PTPN12: variants seen among roughly 807,000 people sequenced by gnomAD.
PTPN12 encodes the protein protein tyrosine phosphatase non-receptor type 12.
PTPN12 carries 29 observed loss-of-function variants against 97.6 expected under a neutral mutation model. The observed-to-expected ratio is 0.30, with a 90% CI of 0.22 to 0.41. The LOEUF (loss-of-function observed/expected upper bound fraction) is 0.41. Ranked by LOEUF, PTPN12 falls within the 10% of genes least tolerant of loss-of-function variation. The probability of loss-of-function intolerance (pLI) is 1.00; values close to 1 mark genes in which losing one functional copy is unlikely to be tolerated. For missense variants in PTPN12, 819 were observed against 926.0 expected (o/e 0.88, Z 1.50); for synonymous variants, 327 against 300.4 (o/e 1.09, Z -0.91).
intron 1 of PTPN12, among the ~76,000 whole-genome samples, chr7:77,567,948 T>G (rs1262478242): frequency 1.3e-5 from 2 of 152,308 alleles, no homozygotes; most frequent in African/African-American, 4.8e-5. Context: ...AGATCCAGAA[T>G]TTTAATTTAT....
At chr7:77,571,278 A>G (rs1340170335) in intron 2 of PTPN12, 92 bp downstream of exon 2, 3 of 717,366 alleles carry the variant, frequency 4.2e-6, no homozygotes, top group Non-Finnish European at 6.9e-6. Context: ...TTTCACTGTT[A>G]AGGAAGTAGT....
intron 1 of PTPN12, among the ~76,000 whole-genome samples, chr7:77,543,071 A>C (rs1407681827): frequency 6.6e-6 from 1 of 152,200 alleles, no homozygotes; most frequent in Non-Finnish European, 1.5e-5. Flanking sequence ...GAGATGTCAG[A>C]AAAGCCAGGG....
At chr7:77,605,290 A>G (rs972299330) in intron 8 of PTPN12, among the ~76,000 whole-genome samples, 1 of 152,098 alleles carries the variant, frequency 6.6e-6, no homozygotes, top group African/African-American at 2.4e-5. Context: ...GGTTTTTGCC[A>G]AAGATTATTC....
chr7:77,581,459 A>G lies in PTPN12; in HGVS notation c.241A>G (p.Thr81Ala), dbSNP rs762134158. 6.2e-7 allele frequency: 1 copy of G among 1,608,010 alleles called. No homozygotes were observed. The highest frequency in any genetic ancestry group is 8.5e-7 in the Non-Finnish European group (1 of 1,176,512). The change falls in exon 3 of 18, where the codon ACT becomes GCT. Residue 81 changes from threonine (T) to alanine (A), a missense_variant. This residue lies in a region of PTPN12 where 66 missense variants were observed against 133.6 expected (regional missense o/e 0.49). Transcript: ENST00000248594. The stretch of plus-strand genomic sequence containing the variant: ...CAGCCGAGTTAAATTGACATTAAAG[A>G]CTCCTTCACAAGATTCAGACTATAT... ...DHSRVKLTLKTPSQDSDYINA... is the reference protein window; with the variant it reads ...DHSRVKLTLKAPSQDSDYINA...
chr7:77,589,982 G>A (rs1195177469), intron 5 of PTPN12, among the ~76,000 whole-genome samples: 1 of 152,206 alleles, frequency 6.6e-6, no homozygotes, highest in Non-Finnish European at 1.5e-5. Context: ...TTATGAGCAA[G>A]TTAGGAACTA....
At chr7:77,586,678 A>G (rs1408648480) in intron 5 of PTPN12, among the ~76,000 whole-genome samples, 1 of 152,208 alleles carries the variant, frequency 6.6e-6, no homozygotes, top group Non-Finnish European at 1.5e-5. Context: ...TTTGATAGCA[A>G]CAGCAGTTGC....
In PTPN12 at chr7:77,633,062, G is replaced by A. The variant is rs909486319; in HGVS notation, c.2074+637G>A. On this transcript the variant is annotated intron_variant, in intron 14 of 17. Coordinates refer to ENST00000248594, the MANE Select transcript of PTPN12 (RefSeq NM_002835.4). ...GAGATGCACTGATCACCTGAGGTCA[G>A]GAGTTCAAGACCAGCGTGACCAACA... is the stretch of plus-strand genomic sequence containing the variant. 2.0e-5 allele frequency among the ~76,000 whole-genome samples: 3 copies of A among 152,162 alleles called. No individual in the cohort carries two copies. The East Asian group carries it at 5.8e-4, about 29-fold the overall frequency.
chr7:77,635,434 G>A (rs556719279), intron 14 of PTPN12, among the ~76,000 whole-genome samples: 11 of 152,270 alleles, frequency 7.2e-5, no homozygotes, highest in Admixed American at 6.5e-4. Context: ...TAAAAAGAAT[G>A]TTGAAAGCAA....
At chr7:77,597,456 A>T (rs570293122) in intron 6 of PTPN12, among the ~76,000 whole-genome samples, 2 of 152,208 alleles carry the variant, frequency 1.3e-5, no homozygotes, top group African/African-American at 4.8e-5. Context: ...TACAGTATGT[A>T]GCCTTTTCAG....
At chr7:77,548,924 C>T (rs1425692136) in intron 1 of PTPN12, among the ~76,000 whole-genome samples, 2 of 152,180 alleles carry the variant, frequency 1.3e-5, no homozygotes, top group Non-Finnish European at 1.5e-5. Flanking sequence ...CTTTGCTTCT[C>T]TGCACACCTG....
intron 1 of PTPN12, among the ~76,000 whole-genome samples, chr7:77,550,327 G>A (rs1182550978): frequency 6.6e-6 from 1 of 152,070 alleles, no homozygotes; most frequent in Non-Finnish European, 1.5e-5. Context: ...TATACAAGGG[G>A]ACTTCAAAAA....
intron 2 of PTPN12, among the ~76,000 whole-genome samples, chr7:77,572,912 A>G (rs1044685751): frequency 6.6e-6 from 1 of 151,850 alleles, no homozygotes; most frequent in African/African-American, 2.4e-5. Flanking sequence ...GTGAAACCCC[A>G]TCTCTATCAA....
chr7:77,612,393 T>A (rs1426645114), intron 11 of PTPN12, among the ~76,000 whole-genome samples: 1 of 152,238 alleles, frequency 6.6e-6, no homozygotes, highest in African/African-American at 2.4e-5. Flanking sequence ...ATGCTCTGAA[T>A]CTAGCCAAAT....
At chr7:77,581,576 T>G (rs1243221287) in intron 3 of PTPN12, 73 bp downstream of exon 3, 3 of 856,388 alleles carry the variant, frequency 3.5e-6, no homozygotes, top group Admixed American at 6.0e-5. Context: ...GTAAAAACTT[T>G]TTGAATTGCT....
intron 5 of PTPN12, among the ~76,000 whole-genome samples, chr7:77,590,882 A>G (rs1362016914): frequency 6.6e-6 from 1 of 151,938 alleles, no homozygotes; most frequent in Non-Finnish European, 1.5e-5. Context: ...TTAAAAAAAA[A>G]AAAAATTAGC....
At chr7:77,628,939 A>T (rs989036365) in intron 13 of PTPN12, among the ~76,000 whole-genome samples, 5 of 151,966 alleles carry the variant, frequency 3.3e-5, no homozygotes, top group African/African-American at 1.2e-4. Flanking sequence ...GAGAGAGTGT[A>T]TTTGGTAGAC....
chr7:77,600,888 A>G (rs1788168595), intron 8 of PTPN12, 82 bp downstream of exon 8: 1 of 1,208,410 alleles, frequency 8.3e-7, no homozygotes, highest in Non-Finnish European at 1.1e-6. Flanking sequence ...TTAATATGTT[A>G]GTAATCTTGA....
intron 1 of PTPN12, chr7:77,537,924 C>G (rs890681116): frequency 6.3e-4 from 389 of 614,032 alleles, no homozygotes; most frequent in Non-Finnish European, 7.6e-4. Flanking sequence ...CACCGTGGCT[C>G]GCGACCACCT....
At chr7:77,622,696 G>A (rs749500719) in intron 12 of PTPN12, among the ~76,000 whole-genome samples, 2 of 151,960 alleles carry the variant, frequency 1.3e-5, no homozygotes, top group Admixed American at 1.3e-4. Flanking sequence ...GCTTGAACCC[G>A]GGAGGCGGAA....
Sources: allele counts gnomAD v4.1 joint callset (sites outside exome capture counted in the v4.1 genomes callset), GRCh38; gene constraint gnomAD v4.1.1; regional missense constraint gnomAD v4.1.1; transcripts MANE v1.5; gene names NCBI Gene and HGNC (gene_info 2026-07-23, HGNC 2026-07-21).